COL9A1: variants seen among roughly 807,000 people sequenced by gnomAD.
The protein encoded by COL9A1 is collagen type IX alpha 1 chain, also known as collagen alpha-1(IX) chain.
COL9A1 carries 104 observed loss-of-function variants against 142.6 expected under a neutral mutation model. That is an observed-to-expected ratio of 0.73 (90% confidence interval 0.62 to 0.86). COL9A1 has a LOEUF of 0.86. COL9A1 is among the 40% of genes least tolerant of loss of function. COL9A1 has a pLI of 0.00. For missense variants in COL9A1, 1,210 were observed against 1,176.6 expected (o/e 1.03, Z -0.42); for synonymous variants, 466 against 396.0 (o/e 1.18, Z -2.10).
intron 37 of COL9A1, among the ~76,000 whole-genome samples, chr6:70,219,257 G>T (rs1211640231): frequency 6.6e-6 from 1 of 152,068 alleles, no homozygotes; most frequent in Non-Finnish European, 1.5e-5. Flanking sequence ...TCAAGTTTAG[G>T]AGAAGGAAAT....
intron 36 of COL9A1, among the ~76,000 whole-genome samples, chr6:70,229,230 G>A (rs1769401664): frequency 6.6e-6 from 1 of 152,144 alleles, no homozygotes; most frequent in Admixed American, 6.5e-5. Flanking sequence ...CATGTATACA[G>A]GTTGGTTCTA....
At chr6:70,239,831 T>C (rs1247919283) in intron 32 of COL9A1, among the ~76,000 whole-genome samples, 1 of 152,200 alleles carries the variant, frequency 6.6e-6, no homozygotes, top group Admixed American at 6.5e-5. Flanking sequence ...AAAACAATGA[T>C]TTAAAACATC....
intron 20 of COL9A1, chr6:70,258,572 C>T (rs537409014): frequency 6.4e-4 from 97 of 152,210 alleles, no homozygotes; most frequent in African/African-American, 2.3e-3. Flanking sequence ...TTTTGAAGAC[C>T]TGAAAAAGAC....
intron 5 of COL9A1, among the ~76,000 whole-genome samples, chr6:70,288,463 C>G (rs1028565713): frequency 2.6e-5 from 4 of 152,176 alleles, no homozygotes; most frequent in African/African-American, 7.2e-5. Context: ...CAAGGAGATC[C>G]TTTTGAAAGA....
intron 28 of COL9A1, among the ~76,000 whole-genome samples, chr6:70,251,693 A>C (rs72923173): frequency 6.6e-6 from 1 of 152,226 alleles, no homozygotes; most frequent in Non-Finnish European, 1.5e-5. Context: ...AGAGGAAATG[A>C]TGGATGACTG....
At chr6:70,218,311 A>G (rs1325561236) in intron 37 of COL9A1, among the ~76,000 whole-genome samples, 2 of 152,214 alleles carry the variant, frequency 1.3e-5, no homozygotes, top group Non-Finnish European at 2.9e-5. Context: ...GAACTTTGCA[A>G]TAGCAGGTTC....
chr6:70,270,946 A>G (rs1460106916), intron 14 of COL9A1, among the ~76,000 whole-genome samples: 1 of 152,178 alleles, frequency 6.6e-6, no homozygotes, highest in Admixed American at 6.5e-5. Context: ...TTAACATCCA[A>G]TGTTTACTCT....
chr6:70,297,175 G>A (rs1773876427), intron 4 of COL9A1, among the ~76,000 whole-genome samples: 2 of 152,024 alleles, frequency 1.3e-5, no homozygotes, highest in African/African-American at 4.8e-5. Context: ...ATTTATCTCT[G>A]ACTTGGTGTA....
chr6:70,270,119 C>A (rs942244590), intron 15 of COL9A1, among the ~76,000 whole-genome samples, 195 bp downstream of exon 15: 2 of 152,160 alleles, frequency 1.3e-5, no homozygotes, highest in Non-Finnish European at 2.9e-5. Flanking sequence ...ATAAAAACCA[C>A]CTTTTAAATT....
intron 18 of COL9A1, among the ~76,000 whole-genome samples, chr6:70,264,612 T>C (rs894581612): frequency 6.6e-6 from 1 of 152,028 alleles, no homozygotes; most frequent in Non-Finnish European, 1.5e-5. Context: ...CTGAAATTTT[T>C]CCATAACAAG....
At chr6:70,225,903 T>A (rs1054864480) in intron 37 of COL9A1, 29 bp downstream of exon 37, 7 of 1,587,718 alleles carry the variant, frequency 4.4e-6, no homozygotes, top group Non-Finnish European at 5.2e-6. Flanking sequence ...TTTCGCTACC[T>A]CCTCCTCTCA....
intron 5 of COL9A1, among the ~76,000 whole-genome samples, chr6:70,287,126 C>A (rs1432370853): frequency 1.3e-5 from 2 of 152,192 alleles, no homozygotes; most frequent in South Asian, 4.1e-4. Flanking sequence ...GGGTGGGGCC[C>A]TGAAGCCCCA....
rs1245320559 is a variant in COL9A1, at chr6:70,271,657, C to T, written c.1141G>A (p.Val381Ile). The T allele has an allele frequency of 1.6e-5, 26 of 1,613,668 alleles. No individual in the cohort carries two copies. The highest frequency in any genetic ancestry group is 2.1e-5 in the Non-Finnish European group (25 of 1,179,736). The change falls in exon 14 of 38, where the codon GTT becomes ATT. Residue 381 changes from valine (V) to isoleucine (I), a missense_variant and splice_region_variant. By Grantham distance (29) the Val-to-Ile change is conservative. Transcript: ENST00000357250. ...TCAAAGTGCACTGTGGTACTCACAA[C>T]AGGTCCTACACGGCCAAGCTCTCCA... is the stretch of plus-strand genomic sequence containing the variant. ...LPGELGRVGPVGDPGRRGPPG... is the reference protein window; with the variant it reads ...LPGELGRVGPIGDPGRRGPPG...
intron 18 of COL9A1, among the ~76,000 whole-genome samples, chr6:70,263,739 C>T (rs1030285786): frequency 4.0e-5 from 6 of 151,662 alleles, no homozygotes; most frequent in South Asian, 2.1e-4. Context: ...TATTTTTCAT[C>T]GTGATTTTTA....
chr6:70,276,314 C>A (rs1259554100), intron 10 of COL9A1, among the ~76,000 whole-genome samples: 1 of 152,102 alleles, frequency 6.6e-6, no homozygotes, highest in African/African-American at 2.4e-5. Context: ...AACCTCTGGG[C>A]ATATTTAACT....
intron 4 of COL9A1, among the ~76,000 whole-genome samples, chr6:70,296,928 C>T (rs750843076): frequency 2.6e-5 from 4 of 152,026 alleles, no homozygotes; most frequent in Non-Finnish European, 5.9e-5. Context: ...CTTCCTTAAG[C>T]ATTATTTTTC....
Position 70,262,913 on chromosome 6 carries a change from CAT to C in COL9A1, c.1395+329_1395+330del, listed in dbSNP as rs1470467188. On this transcript the variant is annotated intron_variant, in intron 19 of 37. Transcript: ENST00000357250. ...AACACACAAAATTTTCTCATTATAT[CAT>C]GTGATAATACGATAGAACATAAAAG... 3.9e-5 allele frequency among the ~76,000 whole-genome samples: 6 copies of C among 152,250 alleles called. No individual in the cohort carries two copies. In the East Asian group the frequency reaches 1.2e-3, roughly 29 times the overall value.
At chr6:70,263,213 C>T (rs781358301) in intron 19 of COL9A1, 31 bp downstream of exon 19, 10 of 1,489,038 alleles carry the variant, frequency 6.7e-6, no homozygotes, top group Non-Finnish European at 9.2e-6. Flanking sequence ...TTTACATATC[C>T]TAGTTAAATA....
intron 33 of COL9A1, among the ~76,000 whole-genome samples, chr6:70,238,706 G>GA (rs895294418): frequency 3.3e-5 from 5 of 151,686 alleles, no homozygotes; most frequent in African/African-American, 9.7e-5. Context: ...CAATATGAAA[G>GA]AAAAAAAACA....
Sources: allele counts gnomAD v4.1 joint callset (sites outside exome capture counted in the v4.1 genomes callset), GRCh38; gene constraint gnomAD v4.1.1; transcripts MANE v1.5; gene names NCBI Gene and HGNC (gene_info 2026-07-23, HGNC 2026-07-21).